The following HDAC4 variants were observed in gnomAD, a reference collection of about 807,000 sequenced individuals.
HDAC4 encodes the protein histone deacetylase 4.
HDAC4 carries 16 observed loss-of-function variants against 135.1 expected under a neutral mutation model. The ratio of observed to expected loss-of-function variants is 0.12; its 90% CI spans 0.08 to 0.18. The LOEUF is 0.18. HDAC4 is among the 10% of genes least tolerant of loss of function. The pLI is 1.00. For missense variants in HDAC4, 1,143 were observed against 1,511.8 expected (o/e 0.76, Z 4.05); for synonymous variants, 685 against 653.4 (o/e 1.05, Z -0.74).
chr2:239,290,704 GCA>G (rs5839740), intron 2 of HDAC4, among the ~76,000 whole-genome samples: 36 of 151,652 alleles, frequency 2.4e-4, no homozygotes, highest in African/African-American at 5.3e-4. Flanking sequence ...ACACACGCAC[GCA>G]CACACTCACA....
Position 239,277,342 on chromosome 2 carries a change from G to A in HDAC4, c.23-40678C>T, listed in dbSNP as rs536235851. On this transcript the variant is annotated intron_variant, in intron 2 of 26. Transcript: ENST00000543185. Reference sequence around the variant, plus strand: ...GCACAAGGGTGAGAGGTGGGGAGAGGAGGAGCACCAAGCTCATTACCAGAA... The same window carrying A: ...GCACAAGGGTGAGAGGTGGGGAGAGAAGGAGCACCAAGCTCATTACCAGAA... 7.9e-5 allele frequency among the ~76,000 whole-genome samples: 12 copies of A among 152,312 alleles called. No homozygotes were observed. In the South Asian group the frequency reaches 2.5e-3, roughly 32 times the overall value.
chr2:239,189,820 C>T lies in HDAC4; in HGVS notation c.339+13G>A, dbSNP rs2044797092. The T allele has an allele frequency of 6.2e-7, 1 of 1,601,144 alleles. No individual in the cohort carries two copies. Among genetic ancestry groups the T allele is most frequent in the Non-Finnish European group, 8.5e-7 (1 of 1,178,714 alleles). On this transcript the variant is annotated intron_variant, in intron 4 of 26. Coordinates refer to ENST00000543185, the MANE Select transcript of HDAC4 (RefSeq NM_001378414.1). ...GAGGCCTGGCCCACCCGCAGCCCCG[C>T]ACCGCGCCTCACCTTGATGTGCTCG... is the stretch of plus-strand genomic sequence containing the variant.
rs565760791 is a variant in HDAC4, at chr2:239,160,489, C to T, written c.611+3314G>A. Among the ~76,000 whole-genome samples, 33 of 152,326 alleles carry T rather than the reference C, an allele frequency of 2.2e-4. No homozygotes were observed. The South Asian group carries it at 3.3e-3, about 15-fold the overall frequency. ...GCCCTGATGAAGCCACAGCACCATC[C>T]ATCTCTGCAGCCTCCCAGCCCTGGT... On this transcript the variant is annotated intron_variant, in intron 6 of 26. Coordinates refer to ENST00000543185, the MANE Select transcript of HDAC4 (RefSeq NM_001378414.1).
chr2:239,113,160 T>TA (rs2038827174), intron 13 of HDAC4, among the ~76,000 whole-genome samples: 1 of 152,136 alleles, frequency 6.6e-6, no homozygotes, highest in Admixed American at 6.5e-5. Context: ...TGAGGCAGAA[T>TA]AATTGCTTGA....
chr2:239,101,607 T>C (rs1212977008), intron 16 of HDAC4, among the ~76,000 whole-genome samples: 2 of 152,060 alleles, frequency 1.3e-5, no homozygotes, highest in Admixed American at 6.5e-5. Context: ...GCCAATATGC[T>C]CTTCCCAGGG....
intron 5 of HDAC4, among the ~76,000 whole-genome samples, chr2:239,175,962 G>A (rs2043734850): frequency 6.6e-6 from 1 of 152,146 alleles, no homozygotes; most frequent in Non-Finnish European, 1.5e-5. Flanking sequence ...TGGGTGGGCT[G>A]ACACACTGTC....
At chr2:239,374,933 C>T (rs994864600) in intron 1 of HDAC4, among the ~76,000 whole-genome samples, 5 of 152,162 alleles carry the variant, frequency 3.3e-5, no homozygotes, top group African/African-American at 4.8e-5. Flanking sequence ...GTCAGAGACC[C>T]GATCTAAAGA....
intron 19 of HDAC4, among the ~76,000 whole-genome samples, chr2:239,084,880 C>A: frequency 6.7e-6 from 1 of 149,568 alleles, no homozygotes. Flanking sequence ...ACGCCCATAC[C>A]CACCCCCCCC....
At chr2:239,087,998 G>C (rs1208657039) in intron 18 of HDAC4, among the ~76,000 whole-genome samples, 1 of 152,222 alleles carries the variant, frequency 6.6e-6, no homozygotes, top group African/African-American at 2.4e-5. Context: ...GGCCACTGGA[G>C]GAAGATGAAG....
rs887046950 is a variant in HDAC4 at position 239,260,442 on chromosome 2, G to A, written c.23-23778C>T. Among the ~76,000 whole-genome samples the A allele has an allele frequency of 3.3e-5, 5 of 152,344 alleles. No homozygotes were observed. The East Asian group carries it at 9.6e-4, about 29-fold the overall frequency. ...ACTAAGTGGTACAAATAACGGGTCTGGAGCAGGGTCTGTTTATTGTCCAAT... is the reference window on the plus strand; with the variant it reads ...ACTAAGTGGTACAAATAACGGGTCTAGAGCAGGGTCTGTTTATTGTCCAAT... On this transcript the variant is annotated intron_variant, in intron 2 of 26. Transcript: ENST00000543185.
At chr2:239,165,554 G>A (rs1361636892) in intron 5 of HDAC4, among the ~76,000 whole-genome samples, 2 of 152,014 alleles carry the variant, frequency 1.3e-5, no homozygotes, top group South Asian at 2.1e-4. Context: ...TGGCTGTATC[G>A]AGAGCCTAGT....
At chr2:239,093,499 A>G in intron 17 of HDAC4, among the ~76,000 whole-genome samples, 1 of 152,218 alleles carries the variant, frequency 6.6e-6, no homozygotes, top group Non-Finnish European at 1.5e-5. Flanking sequence ...AGGGGTCTGC[A>G]CCGGCCTCCT....
chr2:239,269,261 C>CCA (rs762055702), intron 2 of HDAC4, among the ~76,000 whole-genome samples: 3 of 145,658 alleles, frequency 2.1e-5, no homozygotes, highest in East Asian at 4.0e-4. Flanking sequence ...ATTCACACAC[C>CCA]CACACATTCA....
chr2:239,134,713 A>G, intron 9 of HDAC4, 70 bp from the exon 10 acceptor site: 1 of 1,129,602 alleles, frequency 8.9e-7, no homozygotes, highest in Non-Finnish European at 1.4e-6. Context: ...CACCAAGAAA[A>G]ACAACGATGA....
At chr2:239,082,038 T>G (rs2035386753) in intron 21 of HDAC4, 64 bp downstream of exon 21, 154 of 1,459,446 alleles carry the variant, frequency 1.1e-4, no homozygotes, top group Non-Finnish European at 1.4e-4. Context: ...GTCTGCCCCG[T>G]GCCCCCACAG....
At chr2:239,122,713 C>A (rs1427457565) in intron 12 of HDAC4, among the ~76,000 whole-genome samples, 1 of 152,234 alleles carries the variant, frequency 6.6e-6, no homozygotes, top group Non-Finnish European at 1.5e-5. Flanking sequence ...AGAGTGGCTA[C>A]ATATGGCTGC....
chr2:239,158,085 C>T (rs1358910088), intron 6 of HDAC4, among the ~76,000 whole-genome samples: 1 of 152,246 alleles, frequency 6.6e-6, no homozygotes, highest in African/African-American at 2.4e-5. Flanking sequence ...TGCACCTGTG[C>T]AGGGGCTGTG....
intron 2 of HDAC4, among the ~76,000 whole-genome samples, chr2:239,274,479 G>A (rs978198310): frequency 5.3e-5 from 8 of 152,184 alleles, no homozygotes; most frequent in East Asian, 1.9e-4. Flanking sequence ...CCAGGGCGCC[G>A]CTGGTCTCTA....
In HDAC4 at chr2:239,126,631, C is replaced by T. The variant is rs199784169; in HGVS notation, c.1358G>A (p.Arg453Gln). 8.2e-5 allele frequency: 133 copies of T among 1,614,010 alleles called. No homozygotes were observed. Among genetic ancestry groups the T allele is most frequent in the Middle Eastern group, 1.7e-4 (1 of 6,058 alleles). Residue 453 changes from arginine (R) to glutamine (Q), a missense_variant, in exon 12 of 27, where the codon CGG becomes CAG. Physicochemically the swap from Arg to Gln is conservative, Grantham distance 43 (BLOSUM62 1). Coordinates refer to ENST00000543185, the MANE Select transcript of HDAC4 (RefSeq NM_001378414.1). ...LHAQSLVGAD[R>Q]VSPSIHKLRQ... ...CAGCTTGTGGATGGAGGGGGACACC[C>T]GGTCTGCACCAACCAAGGACTGTGC...
Sources: allele counts gnomAD v4.1 joint callset (sites outside exome capture counted in the v4.1 genomes callset), GRCh38; gene constraint gnomAD v4.1.1; transcripts MANE v1.5; gene names NCBI Gene and HGNC (gene_info 2026-07-23, HGNC 2026-07-21).